GNAL: variants seen among roughly 807,000 people sequenced by gnomAD.
GNAL encodes G protein subunit alpha L.
In GNAL, 18 loss-of-function variants were observed where a neutral mutation model predicts 55.1. The observed-to-expected ratio is 0.33, with a 90% confidence interval of 0.23 to 0.48. The LOEUF (loss-of-function observed/expected upper bound fraction) is 0.48. Among genes scored for constraint, GNAL ranks in the 20% least tolerant of loss-of-function variants. The pLI is 0.99. For synonymous variants in GNAL, 253 were observed against 237.0 expected, an observed-to-expected ratio of 1.07 and a Z score of -0.62; for missense variants, 412 against 614.1, an observed-to-expected ratio of 0.67 and a Z score of 3.48.
intron 1 of GNAL, among the ~76,000 whole-genome samples, chr18:11,724,500 C>A (rs8082901): frequency 0.013 from 1,975 of 152,314 alleles, 38 homozygotes; most frequent in African/African-American, 0.045. Context: ...GCTTGCAAAT[C>A]ATGCAGAACC....
At chr18:11,779,282 C>A (rs1422582887) in intron 4 of GNAL, among the ~76,000 whole-genome samples, 1 of 152,108 alleles carries the variant, frequency 6.6e-6, no homozygotes, top group Non-Finnish European at 1.5e-5. Flanking sequence ...GTCATTGCAC[C>A]CAGAATGTCC....
chr18:11,848,943 G>A (rs952537493), intron 5 of GNAL, among the ~76,000 whole-genome samples: 36 of 152,126 alleles, frequency 2.4e-4, no homozygotes, highest in Admixed American at 2.3e-3. Flanking sequence ...CATGGAATCC[G>A]GTTTCTAACA....
At chr18:11,779,494 C>A (rs983941744) in intron 4 of GNAL, among the ~76,000 whole-genome samples, 2 of 152,164 alleles carry the variant, frequency 1.3e-5, no homozygotes, top group African/African-American at 2.4e-5. Flanking sequence ...GTTAAACTTC[C>A]TGGAGCAGCC....
intron 5 of GNAL, chr18:11,857,415 T>C: frequency 1.2e-6 from 1 of 857,464 alleles, no homozygotes; most frequent in Non-Finnish European, 1.4e-6. Context: ...GAGTTTTGAC[T>C]GGAGTGGAGG....
intron 1 of GNAL, among the ~76,000 whole-genome samples, chr18:11,743,217 G>A (rs544437435): frequency 9.9e-5 from 15 of 151,824 alleles, no homozygotes; most frequent in African/African-American, 3.4e-4. Context: ...GAGATGAGGT[G>A]TTGGCGCTAG....
chr18:11,872,338 G>A lies in GNAL; in HGVS notation c.1102G>A (p.Gly368Arg). Residue 368 changes from glycine to arginine, a missense_variant, in exon 10 of 12, where the codon GGG becomes AGG. Gly to Arg is a moderately radical substitution (Grantham distance 125). Transcript: ENST00000334049. ...QDMLAEKVLA[G>R]KSKIEDYFPE... Reference sequence around the variant, plus strand: ...TATGCTGGCAGAAAAAGTCTTGGCAGGGAAATCAAAAATTGAAGACTATTT... The same window carrying A: ...TATGCTGGCAGAAAAAGTCTTGGCAAGGAAATCAAAAATTGAAGACTATTT... 1 of 1,573,324 alleles carries A rather than the reference G, an allele frequency of 6.4e-7. No homozygotes were observed. The highest frequency in any genetic ancestry group is 8.6e-7 in the Non-Finnish European group (1 of 1,163,388).
chr18:11,788,707 G>T (rs2034129057), intron 4 of GNAL, among the ~76,000 whole-genome samples: 2 of 151,190 alleles, frequency 1.3e-5, no homozygotes, highest in Admixed American at 6.6e-5. Flanking sequence ...AGAAGTTCAA[G>T]ACCAACATGG....
chr18:11,760,111 C>T (rs73399807), intron 4 of GNAL, among the ~76,000 whole-genome samples: 5,315 of 152,166 alleles, frequency 0.035, 277 homozygotes, highest in African/African-American at 0.11. Flanking sequence ...CTCCTCTCCC[C>T]GCAGCTCGCT....
rs142090554 is a variant in GNAL, at chr18:11,700,638, T to C, written c.376+10699T>C. On this transcript the variant is annotated intron_variant, in intron 1 of 11. Transcript: ENST00000334049. ...GCCGATCTGGGAAAATGTTATTTAGTGAGAGGCAGGTCAACCTGCCGACTG... is the reference window on the plus strand; with the variant it reads ...GCCGATCTGGGAAAATGTTATTTAGCGAGAGGCAGGTCAACCTGCCGACTG... Among the ~76,000 whole-genome samples the C allele has an allele frequency of 2.9e-3, 438 of 152,346 alleles. 1 individual carries two copies. The highest frequency in any genetic ancestry group is 0.011 in the South Asian group (52 of 4,822).
intron 1 of GNAL, among the ~76,000 whole-genome samples, chr18:11,720,711 G>A (rs888712026): frequency 1.7e-4 from 26 of 152,330 alleles, no homozygotes; most frequent in South Asian, 6.2e-4. Context: ...AATGGATGTC[G>A]AAATTTGGAA....
rs947523928 is a variant in GNAL, at chr18:11,751,803, G to C, written c.377-1050G>C. On this transcript the variant is annotated intron_variant, in intron 1 of 11. Coordinates refer to ENST00000334049, the MANE Select transcript of GNAL (RefSeq NM_182978.4). The surrounding 1 kb of genome is among the most constrained non-coding windows in gnomAD (Gnocchi z 4.5). ...CGAGAGCTCCGGGACCAGCGGCCCG[G>C]CCGCCCCCAAAGCCAGCCTCCCTCT... 6 of 326,312 alleles carry C rather than the reference G, an allele frequency of 1.8e-5. No individual in the cohort carries two copies. Among genetic ancestry groups the C allele is most frequent in the African/African-American group, 1.3e-4 (6 of 44,860 alleles). 20.2% of individuals were successfully genotyped at this position (326,312 alleles called of 1,614,324 possible).
chr18:11,876,161 G>A (rs1261685276), intron 10 of GNAL, among the ~76,000 whole-genome samples: 1 of 152,190 alleles, frequency 6.6e-6, no homozygotes, highest in Non-Finnish European at 1.5e-5. Flanking sequence ...CTATTAAAAT[G>A]ATGTAGGAGA....
rs564207407 is a variant in GNAL, at chr18:11,701,526, G to A, written c.376+11587G>A. Among the ~76,000 whole-genome samples, 7 of 138,906 alleles carry A rather than the reference G, an allele frequency of 5.0e-5. No individual in the cohort carries two copies. In the South Asian group the frequency reaches 1.4e-3, roughly 27 times the overall value. The allele number at this position is 138,906 out of a possible 152,430, so 91.1% of individuals were successfully genotyped here. On this transcript the variant is annotated intron_variant, in intron 1 of 11. Coordinates refer to ENST00000334049, the MANE Select transcript of GNAL (RefSeq NM_182978.4). ...AGTTGCAATGAGCCAAGAGTGCGTC[G>A]TTCCACTCCAGCCTGGGTGACAGAG... is the stretch of plus-strand genomic sequence containing the variant.
At chr18:11,802,670 GCTT>G (rs2034550806) in intron 4 of GNAL, among the ~76,000 whole-genome samples, 1 of 152,214 alleles carries the variant, frequency 6.6e-6, no homozygotes, top group Non-Finnish European at 1.5e-5. Flanking sequence ...TGAATTAAAA[GCTT>G]CTTATGAAGC....
At chr18:11,767,425 T>C (rs956954204) in intron 4 of GNAL, among the ~76,000 whole-genome samples, 6 of 151,834 alleles carry the variant, frequency 4.0e-5, no homozygotes, top group African/African-American at 1.5e-4. Context: ...CCTGCCGCTG[T>C]GCACCCTTTT....
intron 5 of GNAL, among the ~76,000 whole-genome samples, chr18:11,837,508 C>T (rs1473017022): frequency 6.6e-6 from 1 of 152,138 alleles, no homozygotes; most frequent in African/African-American, 2.4e-5. Flanking sequence ...TAATCAGCCA[C>T]GAAAAGATGC....
intron 1 of GNAL, among the ~76,000 whole-genome samples, chr18:11,727,941 A>G (rs1400834842): frequency 3.9e-5 from 6 of 152,198 alleles, no homozygotes; most frequent in Non-Finnish European, 8.8e-5. Context: ...TAAGAGATGA[A>G]TACAGGCTGG....
At chr18:11,824,813 A>G in intron 4 of GNAL, 105 bp from the exon 5 acceptor site, 1 of 623,692 alleles carries the variant, frequency 1.6e-6, no homozygotes, top group East Asian at 2.8e-5. Flanking sequence ...AGAAAATCTG[A>G]ATGCTACTTG....
intron 1 of GNAL, among the ~76,000 whole-genome samples, chr18:11,717,389 G>A (rs1164347609): frequency 2.0e-5 from 3 of 152,322 alleles, no homozygotes; most frequent in Admixed American, 1.3e-4. Flanking sequence ...CTCAAGTGCC[G>A]CCAAAGTGGG....
Sources: allele counts gnomAD v4.1 joint callset (sites outside exome capture counted in the v4.1 genomes callset), GRCh38; gene constraint gnomAD v4.1.1; non-coding constraint Gnocchi (gnomAD v3.1); transcripts MANE v1.5; gene names NCBI Gene and HGNC (gene_info 2026-07-23, HGNC 2026-07-21).